Variants in KPNA6 observed in about 807,000 individuals in gnomAD.
KPNA6 encodes the protein importin subunit alpha-7.
Under a neutral mutation model 72.0 loss-of-function variants are expected in KPNA6, and 9 were observed. That is an observed-to-expected ratio of 0.13 (90% confidence interval 0.08 to 0.22). The LOEUF (loss-of-function observed/expected upper bound fraction) is 0.22. Among genes scored for constraint, KPNA6 ranks in the 10% least tolerant of loss-of-function variants. The probability of loss-of-function intolerance (pLI) is 1.00; values close to 1 mark genes in which losing one functional copy is unlikely to be tolerated. For missense variants in KPNA6, 374 were observed against 655.7 expected (o/e 0.57, Z 4.69); for synonymous variants, 219 against 242.1 (o/e 0.90, Z 0.89).
chr1:32,108,302 C>T (rs1030196235), intron 1 of KPNA6, among the ~76,000 whole-genome samples, 168 bp downstream of exon 1: 4 of 152,224 alleles, frequency 2.6e-5, no homozygotes, highest in Admixed American at 1.3e-4. Context: ...TTGGGCCGAG[C>T]TAGGGCCCGT....
Position 32,116,922 on chromosome 1 carries a change from G to A in KPNA6, c.4+8788G>A, listed in dbSNP as rs142490476. 2.6e-5 allele frequency among the ~76,000 whole-genome samples: 4 copies of A among 152,252 alleles called. No individual in the cohort carries two copies. In the East Asian group the frequency reaches 7.7e-4, roughly 29 times the overall value. On this transcript the variant is annotated intron_variant, in intron 1 of 13. Coordinates refer to ENST00000373625, the MANE Select transcript of KPNA6 (RefSeq NM_012316.5). ...GAATGGCTTGTTGGTGGAGCAGTCA[G>A]ATCATACACAGTATTTATCAGTTAA...
At chr1:32,121,968 G>A (rs1641440588) in intron 1 of KPNA6, among the ~76,000 whole-genome samples, 1 of 149,890 alleles carries the variant, frequency 6.7e-6, no homozygotes, top group African/African-American at 2.5e-5. Context: ...GCGACACTCC[G>A]ACTCAAACAA....
intron 2 of KPNA6, among the ~76,000 whole-genome samples, chr1:32,155,446 C>T (rs890485134): frequency 2.7e-5 from 4 of 150,706 alleles, no homozygotes; most frequent in Admixed American, 1.3e-4. Flanking sequence ...CTTAGCCTCC[C>T]GAGTAGCTAG....
At chr1:32,120,539 C>T (rs1011361498) in intron 1 of KPNA6, among the ~76,000 whole-genome samples, 5 of 151,350 alleles carry the variant, frequency 3.3e-5, no homozygotes, top group Non-Finnish European at 5.9e-5. Flanking sequence ...TAAGCCACTG[C>T]ACCCAGCCAA....
chr1:32,133,122 T>C (rs1641670307), intron 1 of KPNA6, among the ~76,000 whole-genome samples: 1 of 151,912 alleles, frequency 6.6e-6, no homozygotes, highest in Admixed American at 6.6e-5. Flanking sequence ...GGCAGGCAGA[T>C]CACTTGAGCC....
At chr1:32,120,406 C>T (rs570803912) in intron 1 of KPNA6, among the ~76,000 whole-genome samples, 32 of 148,342 alleles carry the variant, frequency 2.2e-4, no homozygotes, top group South Asian at 4.3e-4. Flanking sequence ...CACCATGCCT[C>T]CCTAACTTTT....
chr1:32,166,799 G>A (rs1269180707), intron 11 of KPNA6, among the ~76,000 whole-genome samples: 2 of 151,218 alleles, frequency 1.3e-5, no homozygotes, highest in Admixed American at 6.6e-5. Context: ...TTAGCCGGGC[G>A]TGGTGGCAGG....
chr1:32,134,860 A>G (rs72666754), intron 1 of KPNA6, among the ~76,000 whole-genome samples: 14,099 of 151,780 alleles, frequency 0.093, 877 homozygotes, highest in South Asian at 0.25. Flanking sequence ...TGACAGCTAA[A>G]GAGTAATAGG....
intron 1 of KPNA6, among the ~76,000 whole-genome samples, chr1:32,129,424 G>A (rs1641597940): frequency 6.6e-6 from 1 of 151,880 alleles, no homozygotes; most frequent in Non-Finnish European, 1.5e-5. Flanking sequence ...ATTCAAATGC[G>A]GTTGTTTTTG....
At chr1:32,162,081 C>A in intron 8 of KPNA6, 35 bp downstream of exon 8, 1 of 1,518,684 alleles carries the variant, frequency 6.6e-7, no homozygotes, top group Non-Finnish European at 9.1e-7. Context: ...TGAGTGACAT[C>A]AGGTTCCTTC....
intron 1 of KPNA6, among the ~76,000 whole-genome samples, chr1:32,115,548 T>A (rs1174050623): frequency 6.6e-6 from 1 of 151,720 alleles, no homozygotes; most frequent in Non-Finnish European, 1.5e-5. Context: ...CACGTCAGCC[T>A]TCTAAGTAGC....
At chr1:32,109,154 A>G (rs912993902) in intron 1 of KPNA6, among the ~76,000 whole-genome samples, 1 of 152,168 alleles carries the variant, frequency 6.6e-6, no homozygotes, top group Non-Finnish European at 1.5e-5. Flanking sequence ...AACACTCCCA[A>G]GCCTAGTTTG....
chr1:32,108,819 G>A (rs776074551), intron 1 of KPNA6, among the ~76,000 whole-genome samples: 2 of 152,232 alleles, frequency 1.3e-5, no homozygotes, highest in Non-Finnish European at 2.9e-5. Flanking sequence ...GCTGGCCCTG[G>A]TAAGGAGAAA....
rs1474630928 is a variant in KPNA6 at position 32,108,066 on chromosome 1, C to T, written c.-65C>T. The T allele has an allele frequency of 5.1e-5, 83 of 1,612,852 alleles. No homozygotes were observed. Among genetic ancestry groups the T allele is most frequent in the Non-Finnish European group, 2.2e-5 (26 of 1,179,248 alleles). On this transcript the variant is annotated 5_prime_UTR_variant, in exon 1 of 14. Transcript: ENST00000373625. ...TCCTACAGATCCGCCATATTGTCTA[C>T]TGAAAGCTGCCGCTGAAGCTGCCGC...
chr1:32,172,822 C>A lies in KPNA6; in HGVS notation c.*1928C>A. 1.7e-5 allele frequency: 5 copies of A among 293,432 alleles called. No individual in the cohort carries two copies. The highest frequency in any genetic ancestry group is 1.7e-4 in the South Asian group (1 of 6,030). The allele number at this position is 293,432 out of a possible 1,614,324, so 18.2% of individuals were successfully genotyped here. A position where few individuals can be genotyped will look rare whatever the true frequency, so the allele number is the denominator to read the frequency against. On this transcript the variant is annotated 3_prime_UTR_variant, in exon 14 of 14. Transcript: ENST00000373625. ...AGCTCTGCTTTTCCTTCCTCTGAAA[C>A]AATGCCATTCTTGCTTCTATTGCTA...
chr1:32,132,376 A>G (rs1570016034), intron 1 of KPNA6, among the ~76,000 whole-genome samples: 1 of 152,188 alleles, frequency 6.6e-6, no homozygotes, highest in Non-Finnish European at 1.5e-5. Context: ...ACAGCTCACT[A>G]CAGCCTCAAC....
chr1:32,147,511 T>G (rs757005963), intron 1 of KPNA6, among the ~76,000 whole-genome samples: 14 of 152,146 alleles, frequency 9.2e-5, no homozygotes, highest in Non-Finnish European at 1.9e-4. Flanking sequence ...TTTCCCAGGC[T>G]GGTCTTGAAC....
chr1:32,156,816 C>G, intron 2 of KPNA6, 37 bp from the exon 3 acceptor site: 1 of 1,438,508 alleles, frequency 7.0e-7, no homozygotes, highest in Non-Finnish European at 9.8e-7. Flanking sequence ...TTCTTTGGTT[C>G]AGAGAGTACT....
intron 1 of KPNA6, among the ~76,000 whole-genome samples, chr1:32,144,043 T>C (rs959686015): frequency 6.6e-6 from 1 of 152,226 alleles, no homozygotes; most frequent in Non-Finnish European, 1.5e-5. Flanking sequence ...CCCTATATAC[T>C]ATATTATTTC....
Sources: gnomAD v4.1 joint callset for allele counts (sites outside exome capture counted in the v4.1 genomes callset) on GRCh38, gnomAD v4.1.1 for gene constraint, MANE v1.5 for transcripts, NCBI Gene and HGNC (gene_info 2026-07-23, HGNC 2026-07-21) for gene names.